Variants in COP1 observed in about 807,000 individuals in gnomAD.
COP1 encodes the protein E3 ubiquitin-protein ligase COP1.
COP1 carries 24 observed loss-of-function variants against 101.3 expected under a neutral mutation model. The ratio of observed to expected loss-of-function variants is 0.24; its 90% CI spans 0.17 to 0.33. The LOEUF is 0.33. Ranked by LOEUF, COP1 falls within the 10% of genes least tolerant of loss-of-function variation. The pLI, the probability that COP1 is intolerant of heterozygous loss-of-function variation, is 1.00. For missense variants in COP1, 663 were observed against 906.2 expected (o/e 0.73, Z 3.45); for synonymous variants, 347 against 341.9 (o/e 1.01, Z -0.17).
chr1:175,995,261 T>C (rs1397592414), intron 15 of COP1, among the ~76,000 whole-genome samples: 3 of 152,138 alleles, frequency 2.0e-5, no homozygotes, highest in Admixed American at 1.3e-4. Context: ...TAGAGGGAAA[T>C]TTATAGCACT....
rs533615537 is a variant in COP1, at chr1:176,147,112, T to C, written c.831+1894A>G. The stretch of plus-strand genomic sequence containing the variant: ...TGAATGTCAAAAGAAGCAATTTGCC[T>C]CCTGGTAAATCTGTATTTTACTTGA... On this transcript the variant is annotated intron_variant, in intron 6 of 19. Transcript: ENST00000367669. Among the ~76,000 whole-genome samples, 3 of 152,286 alleles carry C rather than the reference T, an allele frequency of 2.0e-5. No individual in the cohort carries two copies. In the East Asian group the frequency reaches 5.8e-4, roughly 29 times the overall value.
chr1:176,077,363 A>G (rs1572091939), intron 11 of COP1, among the ~76,000 whole-genome samples: 1 of 152,206 alleles, frequency 6.6e-6, no homozygotes, highest in East Asian at 1.9e-4. Context: ...AAATCAATAA[A>G]TGTGATTTAC....
intron 5 of COP1, among the ~76,000 whole-genome samples, chr1:176,160,660 AC>A (rs1392472866): frequency 1.3e-5 from 2 of 152,174 alleles, no homozygotes; most frequent in African/African-American, 4.8e-5. Flanking sequence ...TGGCCAAAAA[AC>A]GTATGAAAAA....
chr1:176,091,066 C>T (rs1681190287), intron 9 of COP1, among the ~76,000 whole-genome samples: 1 of 151,906 alleles, frequency 6.6e-6, no homozygotes, highest in African/African-American at 2.4e-5. Flanking sequence ...TAGAAAGAAG[C>T]TAGAGCAAAA....
rs147284784 is a variant in COP1, at chr1:176,176,512, T to C, written c.468-505A>G. Reference sequence around the variant, plus strand: ...AAATTATATACTAGATTTTACCAATTAGGATGGAAAAATAAAATACTGCCA... The same window carrying C: ...AAATTATATACTAGATTTTACCAATCAGGATGGAAAAATAAAATACTGCCA... On this transcript the variant is annotated intron_variant, in intron 2 of 19. Transcript: ENST00000367669. 2.6e-3 allele frequency among the ~76,000 whole-genome samples: 400 copies of C among 152,098 alleles called. 3 individuals carry two copies. The highest frequency in any genetic ancestry group is 9.2e-3 in the African/African-American group (382 of 41,512).
At chr1:176,119,663 CAT>C (rs1034044873) in intron 8 of COP1, among the ~76,000 whole-genome samples, 35 of 138,222 alleles carry the variant, frequency 2.5e-4, no homozygotes, top group African/African-American at 8.9e-4. Flanking sequence ...CACACACACA[CAT>C]ATAGAAAAGA....
At chr1:175,986,254 C>G (rs372600821) in intron 18 of COP1, among the ~76,000 whole-genome samples, 1 of 152,022 alleles carries the variant, frequency 6.6e-6, no homozygotes, top group Non-Finnish European at 1.5e-5. Context: ...CTCCTGACCT[C>G]GTGATTTGCC....
chr1:176,113,590 T>G lies in COP1; in HGVS notation c.1026+3034A>C, dbSNP rs528439161. On this transcript the variant is annotated intron_variant, in intron 9 of 19. Transcript: ENST00000367669. ...AATGGTAACTGTGGAAACCTTTTCT[T>G]GTTCCCCTATATAAAGTTTGGTCAA... Among the ~76,000 whole-genome samples the G allele has an allele frequency of 6.6e-5, 10 of 152,284 alleles. No homozygotes were observed. The South Asian group carries it at 1.7e-3, about 25-fold the overall frequency.
At chr1:176,106,242 GC>G (rs2149530217) in intron 9 of COP1, among the ~76,000 whole-genome samples, 1 of 152,204 alleles carries the variant, frequency 6.6e-6, no homozygotes, top group Admixed American at 6.5e-5. Flanking sequence ...TGTCGGCCAG[GC>G]TGGTCTTGAA....
At chr1:176,045,581 G>GAAAAAAA (rs533930344) in intron 12 of COP1, among the ~76,000 whole-genome samples, 2 of 101,160 alleles carry the variant, frequency 2.0e-5, no homozygotes, top group Non-Finnish European at 2.1e-5. Flanking sequence ...TGTTTAGAAG[G>GAAAAAAA]AAAAAAAAAA....
At chr1:176,035,732 A>C (rs942974062) in intron 14 of COP1, among the ~76,000 whole-genome samples, 3 of 129,652 alleles carry the variant, frequency 2.3e-5, no homozygotes, top group African/African-American at 5.4e-5. Context: ...AAAAAAAAAA[A>C]CGCAAGCATA....
intron 5 of COP1, among the ~76,000 whole-genome samples, chr1:176,154,959 A>T (rs958224319): frequency 7.2e-5 from 11 of 152,186 alleles, no homozygotes; most frequent in African/African-American, 2.7e-4. Flanking sequence ...ATTATTAGAC[A>T]TAAAGAACAA....
chr1:176,166,318 G>A (rs1443346651), intron 3 of COP1, among the ~76,000 whole-genome samples: 1 of 152,032 alleles, frequency 6.6e-6, no homozygotes, highest in African/African-American at 2.4e-5. Flanking sequence ...ATAGAGACAG[G>A]GTTTCACCAT....
chr1:176,066,175 TTC>T (rs1366181452), intron 11 of COP1, among the ~76,000 whole-genome samples: 1 of 152,230 alleles, frequency 6.6e-6, no homozygotes, highest in African/African-American at 2.4e-5. Flanking sequence ...CTCTTGTTAC[TTC>T]TCTTTATTGC....
chr1:176,140,024 G>A (rs1176565544), intron 6 of COP1, among the ~76,000 whole-genome samples: 1 of 152,128 alleles, frequency 6.6e-6, no homozygotes, highest in Non-Finnish European at 1.5e-5. Context: ...TTACTTGTAT[G>A]ATACATAATA....
At chr1:176,203,911 A>T (rs1181268219) in intron 1 of COP1, among the ~76,000 whole-genome samples, 12 of 152,176 alleles carry the variant, frequency 7.9e-5, no homozygotes, top group Non-Finnish European at 2.9e-5. Context: ...TCACCAGGGG[A>T]GCATATGCAA....
intron 11 of COP1, among the ~76,000 whole-genome samples, chr1:176,061,153 C>T (rs145660641): frequency 6.0e-4 from 92 of 152,138 alleles, no homozygotes; most frequent in African/African-American, 2.1e-3. Flanking sequence ...AGTAGACTCA[C>T]ATATATACAG....
At chr1:176,027,512 T>A (rs1013649641) in intron 15 of COP1, 60 bp downstream of exon 15, 10 of 980,270 alleles carry the variant, frequency 1.0e-5, no homozygotes, top group Non-Finnish European at 1.3e-5. Context: ...AATGCTCTCC[T>A]ATCCTTACCA....
chr1:176,149,998 C>A (rs374994751), intron 5 of COP1, among the ~76,000 whole-genome samples: 3 of 152,050 alleles, frequency 2.0e-5, no homozygotes, highest in African/African-American at 7.2e-5. Flanking sequence ...GGCTATGCAA[C>A]AGAATTACCT....
Sources: allele counts gnomAD v4.1 joint callset (sites outside exome capture counted in the v4.1 genomes callset), GRCh38; gene constraint gnomAD v4.1.1; transcripts MANE v1.5; gene names NCBI Gene and HGNC (gene_info 2026-07-23, HGNC 2026-07-21).